MEGF10: variants seen among roughly 807,000 people sequenced by gnomAD.
The protein encoded by MEGF10 is multiple epidermal growth factor-like domains protein 10.
Under a neutral mutation model 147.5 loss-of-function variants are expected in MEGF10, and 86 were observed. That is an observed-to-expected ratio of 0.58 (90% CI 0.49 to 0.70). The LOEUF (loss-of-function observed/expected upper bound fraction) is 0.70. Among genes scored for constraint, MEGF10 ranks in the 30% least tolerant of loss-of-function variants. The probability of loss-of-function intolerance (pLI) is 0.00; values close to 1 mark genes in which losing one functional copy is unlikely to be tolerated. For synonymous variants in MEGF10, 478 were observed against 525.5 expected (o/e 0.91, Z 1.24); for missense variants, 1,329 against 1,487.3 (o/e 0.89, Z 1.75).
intron 4 of MEGF10, among the ~76,000 whole-genome samples, chr5:127,360,915 C>T (rs79476144): frequency 0.017 from 2,646 of 151,506 alleles, 64 homozygotes; most frequent in Middle Eastern, 0.096. Flanking sequence ...AAAGTTTAAT[C>T]CTTTTACATA....
chr5:127,260,177 G>A, the MEGF10 span, among the ~76,000 whole-genome samples: 1 of 151,394 alleles, frequency 6.6e-6, no homozygotes, highest in South Asian at 2.1e-4. Flanking sequence ...AAATAAATAA[G>A]TAAATAAATA....
the MEGF10 span, among the ~76,000 whole-genome samples, chr5:127,263,133 T>C: frequency 2.0e-5 from 3 of 152,220 alleles, no homozygotes; most frequent in African/African-American, 7.2e-5. Context: ...TGAAACATAC[T>C]ATGGTAAGCT....
At chr5:127,430,587 C>T (rs542143395) in intron 13 of MEGF10, among the ~76,000 whole-genome samples, 21 of 152,212 alleles carry the variant, frequency 1.4e-4, no homozygotes, top group African/African-American at 5.1e-4. Context: ...CTTAGAATAT[C>T]AATATTCTCC....
chr5:127,286,906 A>G (rs1759046623), upstream of MEGF10, among the ~76,000 whole-genome samples: 1 of 151,982 alleles, frequency 6.6e-6, no homozygotes, highest in African/African-American at 2.4e-5. Context: ...TCCTGAACAA[A>G]TTTTAGCAAA....
chr5:127,349,694 G>GTTT (rs201909792), intron 4 of MEGF10, among the ~76,000 whole-genome samples: 1 of 136,662 alleles, frequency 7.3e-6, no homozygotes, highest in Non-Finnish European at 1.6e-5. Flanking sequence ...TTTTTTTTTT[G>GTTT]TTTTTTTTAG....
intron 1 of MEGF10, among the ~76,000 whole-genome samples, chr5:127,312,710 A>T (rs140206675): frequency 3.8e-4 from 58 of 152,322 alleles, no homozygotes; most frequent in Admixed American, 1.4e-3. Flanking sequence ...CCAGTTTCCT[A>T]TAAGTACCTT....
At position 127,422,751 on chromosome 5, in the gene MEGF10, C is replaced by A; in HGVS notation, c.1672C>A (p.Arg558Ser). 1.2e-6 allele frequency: 2 copies of A among 1,613,998 alleles called. No individual in the cohort carries two copies. The highest frequency in any genetic ancestry group is 2.2e-5 in the East Asian group (1 of 44,866). ...DGCHPTTGHC[R>S]CLPGWSGVHC... ...CTGCCACCCTACCACGGGCCATTGC[C>A]GCTGCCTCCCCGGATGGTCAGGTGA... Residue 558 changes from arginine (R) to serine (S), a missense_variant, in exon 13 of 25, where the codon CGC (arginine) becomes AGC (serine). Around this residue, in one of 3 missense-constraint regions of MEGF10, gnomAD observed 980 missense variants for 1,085.9 expected, o/e 0.90. Coordinates refer to ENST00000503335, the MANE Select transcript of MEGF10 (RefSeq NM_001256545.2).
chr5:127,330,224 C>T (rs1316706261), intron 1 of MEGF10, among the ~76,000 whole-genome samples: 1 of 152,184 alleles, frequency 6.6e-6, no homozygotes, highest in African/African-American at 2.4e-5. Context: ...CCTTGATCTG[C>T]TCACAGTCAT....
At chr5:127,395,282 T>C (rs1763858980) in intron 5 of MEGF10, among the ~76,000 whole-genome samples, 1 of 152,120 alleles carries the variant, frequency 6.6e-6, no homozygotes, top group Non-Finnish European at 1.5e-5. Flanking sequence ...TCACTGACTT[T>C]TGTATTGCAG....
chr5:127,342,335 C>T (rs976069045), intron 4 of MEGF10, among the ~76,000 whole-genome samples: 2 of 152,120 alleles, frequency 1.3e-5, no homozygotes, highest in African/African-American at 4.8e-5. Flanking sequence ...ACAAGCACAA[C>T]CATCAACATA....
the MEGF10 span, among the ~76,000 whole-genome samples, chr5:127,252,392 TAAAGAGTGTATGGTA>T: frequency 3.3e-5 from 5 of 151,756 alleles, no homozygotes; most frequent in African/African-American, 1.2e-4. Flanking sequence ...GAAGAGTAGT[TAAAGAGTGTATGGTA>T]AAGCCATAAT....
intron 4 of MEGF10, among the ~76,000 whole-genome samples, chr5:127,369,294 G>A (rs956029724): frequency 6.6e-6 from 1 of 152,088 alleles, no homozygotes; most frequent in Non-Finnish European, 1.5e-5. Flanking sequence ...TTGTCTCCAA[G>A]GGTTGAGTAC....
intron 23 of MEGF10, 35 bp from the exon 24 acceptor site, chr5:127,455,366 C>G (rs972931490): frequency 7.1e-6 from 11 of 1,550,960 alleles, no homozygotes; most frequent in Non-Finnish European, 9.7e-6. Context: ...GCCAGTGACA[C>G]AGCATTAGCT....
At chr5:127,298,807 A>G (rs1759634242) in intron 1 of MEGF10, among the ~76,000 whole-genome samples, 1 of 152,140 alleles carries the variant, frequency 6.6e-6, no homozygotes, top group African/African-American at 2.4e-5. Flanking sequence ...AGCCGGAGTA[A>G]AGGACCCATT....
chr5:127,437,571 TG>T (rs1240653858), intron 16 of MEGF10, among the ~76,000 whole-genome samples: 1 of 152,254 alleles, frequency 6.6e-6, no homozygotes, highest in African/African-American at 2.4e-5. Flanking sequence ...AGTATTAATA[TG>T]AATAAAAAGT....
At chr5:127,365,405 C>T (rs1017163878) in intron 4 of MEGF10, among the ~76,000 whole-genome samples, 1 of 152,122 alleles carries the variant, frequency 6.6e-6, no homozygotes, top group Non-Finnish European at 1.5e-5. Context: ...TAATGGCTCT[C>T]AGTATTAAAG....
rs554291856 is a variant in MEGF10, at chr5:127,385,460, A to T, written c.413-11072A>T. 3.9e-5 allele frequency among the ~76,000 whole-genome samples: 6 copies of T among 152,152 alleles called. No individual in the cohort carries two copies. The East Asian group carries it at 9.7e-4, about 25-fold the overall frequency. The stretch of plus-strand genomic sequence containing the variant: ...GCTAATTTTTGTATTTTTAGTAGAG[A>T]TGGGGTTTCGCCATGTTGGCGAGGC... On this transcript the variant is annotated intron_variant, in intron 5 of 24. Coordinates refer to ENST00000503335, the MANE Select transcript of MEGF10 (RefSeq NM_001256545.2).
At chr5:127,435,889 C>A (rs1299411568) in intron 16 of MEGF10, among the ~76,000 whole-genome samples, 1 of 152,108 alleles carries the variant, frequency 6.6e-6, no homozygotes, top group Non-Finnish European at 1.5e-5. Flanking sequence ...CTATTGGGAA[C>A]CTGAGCGAAC....
At chr5:127,367,767 A>T (rs1762707768) in intron 4 of MEGF10, among the ~76,000 whole-genome samples, 1 of 152,168 alleles carries the variant, frequency 6.6e-6, no homozygotes, top group Non-Finnish European at 1.5e-5. Flanking sequence ...TTGGGTCTGA[A>T]GGCTATTCAC....
Sources: gnomAD v4.1 joint callset for allele counts (sites outside exome capture counted in the v4.1 genomes callset) on GRCh38, gnomAD v4.1.1 for gene constraint, gnomAD v4.1.1 regional missense constraint, MANE v1.5 for transcripts, NCBI Gene and HGNC (gene_info 2026-07-23, HGNC 2026-07-21) for gene names.